The following MTDH variants were observed in gnomAD, a reference collection of about 807,000 sequenced individuals.
MTDH encodes the protein protein LYRIC.
In MTDH, 34 loss-of-function variants were observed where a neutral mutation model predicts 72.7. The ratio of observed to expected loss-of-function variants is 0.47; its 90% CI spans 0.36 to 0.62. The LOEUF (loss-of-function observed/expected upper bound fraction) is 0.62, where lower values mean the gene tolerates loss of function less well. MTDH is among the 20% of genes least tolerant of loss of function. MTDH has a pLI of 0.00. For synonymous variants in MTDH, 266 were observed against 268.9 expected, an observed-to-expected ratio of 0.99 and a Z score of 0.10; for missense variants, 677 against 699.4, an observed-to-expected ratio of 0.97 and a Z score of 0.36.
At chr8:97,675,657 A>G (rs914202373) in intron 2 of MTDH, among the ~76,000 whole-genome samples, 15 of 151,934 alleles carry the variant, frequency 9.9e-5, no homozygotes, top group Non-Finnish European at 1.9e-4. Context: ...AAATTGCTTG[A>G]GCTCAAGAGT....
At chr8:97,676,402 T>C (rs1349031996) in intron 2 of MTDH, among the ~76,000 whole-genome samples, 1 of 152,218 alleles carries the variant, frequency 6.6e-6, no homozygotes, top group East Asian at 1.9e-4. Context: ...ACTCCTTAAA[T>C]TGGTCTTTTT....
chr8:97,713,616 C>T lies in MTDH; in HGVS notation c.1273-46C>T, dbSNP rs576176365. 1.4e-5 allele frequency: 15 copies of T among 1,046,372 alleles called. No individual in the cohort carries two copies. The Admixed American group carries it at 3.2e-4, about 22-fold the overall frequency. 64.8% of individuals were successfully genotyped at this position (1,046,372 alleles called of 1,614,324 possible). A position where few individuals can be genotyped will look rare whatever the true frequency, so the allele number is the denominator to read the frequency against. On this transcript the variant is annotated intron_variant, in intron 8 of 11. Transcript: ENST00000336273. Reference sequence around the variant, plus strand: ...TCATAATAATTTTCTAAATAATGGACACATAACCATTTGGTTCTCTTTAAT... The same window carrying T: ...TCATAATAATTTTCTAAATAATGGATACATAACCATTTGGTTCTCTTTAAT...
At chr8:97,696,050 C>T (rs540478233) in intron 6 of MTDH, among the ~76,000 whole-genome samples, 18 of 152,262 alleles carry the variant, frequency 1.2e-4, no homozygotes, top group East Asian at 3.9e-4. Flanking sequence ...GGCCCAGCTA[C>T]GTAATAAATA....
chr8:97,697,119 C>CAAA (rs1176302781), intron 6 of MTDH, among the ~76,000 whole-genome samples: 9 of 63,048 alleles, frequency 1.4e-4, no homozygotes, highest in African/African-American at 9.8e-4. Context: ...CTCTGTCTCA[C>CAAA]AAAAAAAAAA....
At chr8:97,660,525 TTC>T (rs772107181) in intron 1 of MTDH, among the ~76,000 whole-genome samples, 10 of 152,142 alleles carry the variant, frequency 6.6e-5, no homozygotes, top group Non-Finnish European at 1.2e-4. Flanking sequence ...CTAAAATAGT[TTC>T]TGTTTTGTTT....
intron 2 of MTDH, among the ~76,000 whole-genome samples, chr8:97,666,700 T>C (rs1432638442): frequency 6.6e-6 from 1 of 152,154 alleles, no homozygotes; most frequent in Non-Finnish European, 1.5e-5. Context: ...CATTATATTC[T>C]TGTTTTGTTT....
chr8:97,716,184 C>T (rs1483151936), intron 9 of MTDH, among the ~76,000 whole-genome samples: 2 of 150,742 alleles, frequency 1.3e-5, no homozygotes, highest in African/African-American at 2.4e-5. Flanking sequence ...GTCGGGAGTT[C>T]GAGACCAACC....
In MTDH at chr8:97,697,150, A is replaced by ATTT. The variant is rs59102217; in HGVS notation, c.1049-2596_1049-2594dup. 3.7e-3 allele frequency among the ~76,000 whole-genome samples: 255 copies of ATTT among 68,312 alleles called. 2 individuals carry two copies. Among genetic ancestry groups the ATTT allele is most frequent in the East Asian group, 0.017 (25 of 1,434 alleles). 44.8% of individuals were successfully genotyped at this position (68,312 alleles called of 152,430 possible). On this transcript the variant is annotated intron_variant, in intron 6 of 11. Transcript: ENST00000336273. The stretch of plus-strand genomic sequence containing the variant: ...AAAAAATATATATATATATATATAT[A>ATTT]TTTTTTTTTTGTGGACCCAGTTTAC...
At chr8:97,681,495 T>TC (rs540886857) in intron 2 of MTDH, among the ~76,000 whole-genome samples, 41 of 147,914 alleles carry the variant, frequency 2.8e-4, no homozygotes, top group Middle Eastern at 3.4e-3. Context: ...TTTTTTCTTT[T>TC]TTTTTTTTTT....
intron 8 of MTDH, among the ~76,000 whole-genome samples, chr8:97,711,847 A>G (rs576303841): frequency 1.6e-4 from 25 of 152,362 alleles, no homozygotes; most frequent in African/African-American, 5.5e-4. Context: ...GTGTCTTTCA[A>G]AGTACTTTAA....
intron 2 of MTDH, among the ~76,000 whole-genome samples, chr8:97,676,536 A>G (rs1031969903): frequency 6.6e-6 from 1 of 152,162 alleles, no homozygotes; most frequent in African/African-American, 2.4e-5. Context: ...TTGCCACTCT[A>G]ATAAGTGATA....
rs1400230120 is a variant in MTDH at position 97,711,278 on chromosome 8, A to G, written c.1273-2384A>G. On this transcript the variant is annotated intron_variant, in intron 8 of 11. Coordinates refer to ENST00000336273, the MANE Select transcript of MTDH (RefSeq NM_178812.4). ...TTTGGGAGACTAAGGTAGGAGGATC[A>G]CTTGAGCCCATGGTGTTTGAGACTA... Among the ~76,000 whole-genome samples the G allele has an allele frequency of 2.6e-5, 4 of 151,724 alleles. No homozygotes were observed. In the East Asian group the frequency reaches 5.8e-4, roughly 22 times the overall value.
rs1284411710 is a variant in MTDH, at chr8:97,720,802, C to T, written c.1521+1613C>T. On this transcript the variant is annotated intron_variant, in intron 10 of 11. Coordinates refer to ENST00000336273, the MANE Select transcript of MTDH (RefSeq NM_178812.4). ...CCAAGTAGCTGGGATTACAGGTGCA[C>T]GCCACCACCCCTGGCTAATTTTTAT... 9.3e-5 allele frequency among the ~76,000 whole-genome samples: 14 copies of T among 151,224 alleles called. 1 individual carries two copies. Among genetic ancestry groups the T allele is most frequent in the East Asian group, 2.0e-4 (1 of 5,094 alleles).
At chr8:97,724,089 A>T (rs1195257484) in intron 11 of MTDH, among the ~76,000 whole-genome samples, 1 of 152,250 alleles carries the variant, frequency 6.6e-6, no homozygotes, top group Admixed American at 6.5e-5. Flanking sequence ...AGCCTGGGTG[A>T]CAGAGCAAGA....
intron 7 of MTDH, among the ~76,000 whole-genome samples, chr8:97,701,950 G>A (rs1814149215): frequency 6.6e-6 from 1 of 152,124 alleles, no homozygotes; most frequent in African/African-American, 2.4e-5. Flanking sequence ...GTCTTTTTAA[G>A]TCCAGAGTTT....
intron 9 of MTDH, among the ~76,000 whole-genome samples, chr8:97,718,553 C>T (rs757069790): frequency 4.0e-5 from 6 of 148,674 alleles, no homozygotes; most frequent in Non-Finnish European, 7.4e-5. Context: ...CAGAGTTTTC[C>T]TCTGTTGCCC....
intron 7 of MTDH, among the ~76,000 whole-genome samples, chr8:97,702,281 C>T (rs956614629): frequency 1.3e-5 from 2 of 152,110 alleles, no homozygotes; most frequent in Non-Finnish European, 2.9e-5. Context: ...TGAATGAATT[C>T]GCTTCAGCAT....
intron 9 of MTDH, among the ~76,000 whole-genome samples, chr8:97,718,499 TTTTTTG>T (rs1264930840): frequency 6.8e-6 from 1 of 147,564 alleles, no homozygotes; most frequent in Non-Finnish European, 1.5e-5. Context: ...TTGTGGGTTT[TTTTTTG>T]TTTTTGTTTT....
chr8:97,681,119 G>A (rs945746796), intron 2 of MTDH, among the ~76,000 whole-genome samples: 1 of 151,882 alleles, frequency 6.6e-6, no homozygotes, highest in African/African-American at 2.4e-5. Flanking sequence ...AACGTGAGCT[G>A]GGTCAGAAAA....
Sources: gnomAD v4.1 joint callset for allele counts (sites outside exome capture counted in the v4.1 genomes callset) on GRCh38, gnomAD v4.1.1 for gene constraint, MANE v1.5 for transcripts, NCBI Gene and HGNC (gene_info 2026-07-23, HGNC 2026-07-21) for gene names.